MRC2: variants seen among roughly 807,000 people sequenced by gnomAD.
MRC2 encodes the protein mannose receptor C-type 2.
MRC2 carries 84 observed loss-of-function variants against 206.2 expected under a neutral mutation model. The ratio of observed to expected loss-of-function variants is 0.41; its 90% confidence interval spans 0.34 to 0.49. The LOEUF (loss-of-function observed/expected upper bound fraction) is 0.49. Ranked by LOEUF, MRC2 falls within the 20% of genes least tolerant of loss-of-function variation. The pLI is 0.31. For synonymous variants in MRC2, 798 were observed against 800.0 expected, an observed-to-expected ratio of 1.00 and a Z score of 0.04; for missense variants, 1,676 against 2,001.5, an observed-to-expected ratio of 0.84 and a Z score of 3.10.
At chr17:62,678,064 A>G (rs1273271505) in intron 12 of MRC2, among the ~76,000 whole-genome samples, 2 of 152,218 alleles carry the variant, frequency 1.3e-5, no homozygotes, top group Non-Finnish European at 2.9e-5. Flanking sequence ...ATAAATAAAT[A>G]AATAAATAAA....
At chr17:62,690,330 A>ACATGG (rs1206447276) in intron 26 of MRC2, 25 bp downstream of exon 26, 1 of 1,587,818 alleles carries the variant, frequency 6.3e-7, no homozygotes, top group Admixed American at 1.7e-5. Context: ...CAGAGCCCAC[A>ACATGG]CATGGCGGGC....
At chr17:62,681,160 A>G in intron 18 of MRC2, 31 bp downstream of exon 18, 1 of 1,609,242 alleles carries the variant, frequency 6.2e-7, no homozygotes, top group Non-Finnish European at 8.5e-7. Flanking sequence ...CAGATGTGGA[A>G]GGGGGCTGGC....
chr17:62,645,197 A>G (rs1400982793), intron 1 of MRC2, among the ~76,000 whole-genome samples: 1 of 152,078 alleles, frequency 6.6e-6, no homozygotes, highest in Admixed American at 6.6e-5. Flanking sequence ...CCCCATTATC[A>G]TTTACTAACG....
intron 1 of MRC2, among the ~76,000 whole-genome samples, chr17:62,646,421 G>T (rs1052543077): frequency 6.6e-6 from 1 of 152,202 alleles, no homozygotes; most frequent in African/African-American, 2.4e-5. Flanking sequence ...CAGCCCCAAA[G>T]TGCTGTGTTT....
At chr17:62,659,171 A>G (rs369884854) in intron 1 of MRC2, among the ~76,000 whole-genome samples, 1 of 152,082 alleles carries the variant, frequency 6.6e-6, no homozygotes, top group African/African-American at 2.4e-5. Flanking sequence ...CATCCTATCC[A>G]TGAAGGCTCT....
rs1401330996 is a variant in MRC2 at position 62,667,774 on chromosome 17, C to T, written c.1117+241C>T. On this transcript the variant is annotated intron_variant, in intron 6 of 29. Coordinates refer to ENST00000303375, the MANE Select transcript of MRC2 (RefSeq NM_006039.5). This position sits in a 1 kb window ranked among gnomAD's most constrained non-coding sequence, Gnocchi z 4.1. ...ATGCTGGCAATACCCACTGTTACCTCGTAGAGACCACAGTCTGCTGGAGGT... is the reference window on the plus strand; with the variant it reads ...ATGCTGGCAATACCCACTGTTACCTTGTAGAGACCACAGTCTGCTGGAGGT... Among the ~76,000 whole-genome samples, 2 of 152,224 alleles carry T rather than the reference C, an allele frequency of 1.3e-5. No individual in the cohort carries two copies. Among genetic ancestry groups the T allele is most frequent in the Admixed American group, 6.5e-5 (1 of 15,284 alleles).
At position 62,680,591 on chromosome 17, in the gene MRC2, C is replaced by G; in HGVS notation, c.2473+138C>G. 7.4e-7 allele frequency: 1 copy of G among 1,353,560 alleles called. No individual in the cohort carries two copies. Among genetic ancestry groups the G allele is most frequent in the South Asian group, 1.3e-5 (1 of 75,402 alleles). 83.8% of individuals were successfully genotyped at this position (1,353,560 alleles called of 1,614,324 possible). ...AGAAGGGGGACGGGGTTGGCTCGGA[C>G]GGAGGCAGCCACAGCCCTGTTTGCT... is the stretch of plus-strand genomic sequence containing the variant. On this transcript the variant is annotated intron_variant, in intron 16 of 29. Coordinates refer to ENST00000303375, the MANE Select transcript of MRC2 (RefSeq NM_006039.5). The surrounding 1 kb of genome is among the most constrained non-coding windows in gnomAD (Gnocchi z 4.8).
In MRC2 at chr17:62,667,399, A is replaced by G. The variant is rs777916295; in HGVS notation, c.983A>G (p.Asp328Gly). ...CCTGCCCTCCCCACAGACCAGCCGG[A>G]CAACCCCAGTGAGGAGAACTGTGGA... ...KYLNWESDQP[D>G]NPSEENCGVI... The change falls in exon 6 of 30, where the codon GAC (aspartate) becomes GGC (glycine). Residue 328 changes from aspartate (D) to glycine (G), a missense_variant. By Grantham distance (94) the Asp-to-Gly change is moderately conservative (BLOSUM62 -1). Around this residue, in one of 3 missense-constraint regions of MRC2, gnomAD observed 1,354 missense variants for 1,636.6 expected, o/e 0.83. Coordinates refer to ENST00000303375, the MANE Select transcript of MRC2 (RefSeq NM_006039.5). The surrounding 1 kb of genome is among the most constrained non-coding windows in gnomAD (Gnocchi z 4.1). 8 of 1,600,204 alleles carry G rather than the reference A, an allele frequency of 5.0e-6. No individual in the cohort carries two copies. The highest frequency in any genetic ancestry group is 6.8e-6 in the Non-Finnish European group (8 of 1,175,010).
intron 1 of MRC2, among the ~76,000 whole-genome samples, chr17:62,663,073 C>T (rs2088700412): frequency 6.6e-6 from 1 of 152,096 alleles, no homozygotes; most frequent in Admixed American, 6.5e-5. Context: ...AAGTGGCAGT[C>T]AGGGAACAAG....
chr17:62,632,370 T>C (rs2088252012), intron 1 of MRC2, among the ~76,000 whole-genome samples: 1 of 152,194 alleles, frequency 6.6e-6, no homozygotes, highest in African/African-American at 2.4e-5. Flanking sequence ...CTCTTGGCTC[T>C]GCACTCTCAC....
chr17:62,666,528 G>T lies in MRC2; in HGVS notation c.768G>T (p.Thr256=). ...DSCYQFNFQS[T]LSWREAWASC... is the part of the protein sequence containing the mutation. Reference sequence around the variant, plus strand: ...GCTACCAGTTTAACTTCCAGTCCACGCTGTCGTGGAGGGAGGCCTGGGCCA... The same window carrying T: ...GCTACCAGTTTAACTTCCAGTCCACTCTGTCGTGGAGGGAGGCCTGGGCCA... Residue 256 remains threonine, a synonymous_variant, in exon 4 of 30, where the codon ACG becomes ACT. Coordinates refer to ENST00000303375, the MANE Select transcript of MRC2 (RefSeq NM_006039.5). The surrounding 1 kb of genome is among the most constrained non-coding windows in gnomAD (Gnocchi z 5.0). The T allele has an allele frequency of 6.2e-7, 1 of 1,613,746 alleles. No individual in the cohort carries two copies. Among genetic ancestry groups the T allele is most frequent in the Non-Finnish European group, 8.5e-7 (1 of 1,179,924 alleles).
In MRC2 at chr17:62,627,822, C is replaced by A. The variant is rs892551595; in HGVS notation, c.20C>A (p.Ala7Asp). 15 of 1,450,742 alleles carry A rather than the reference C, an allele frequency of 1.0e-5. No individual in the cohort carries two copies. Among genetic ancestry groups the A allele is most frequent in the Middle Eastern group, 2.4e-4 (1 of 4,214 alleles). The allele number at this position is 1,450,742 out of a possible 1,614,324, so 89.9% of individuals were successfully genotyped here. The change falls in exon 1 of 30, where the codon GCC becomes GAC. Residue 7 changes from alanine to aspartate, a missense_variant. Physicochemically the swap from Ala to Asp is moderately radical, Grantham distance 126. Transcript: ENST00000303375. Reference sequence around the variant, plus strand: ...TCGGGGATGGGGCCCGGCCGGCCGGCCCCCGCGCCCTGGCCTCGTCACCTG... The same window carrying A: ...TCGGGGATGGGGCCCGGCCGGCCGGACCCCGCGCCCTGGCCTCGTCACCTG... MGPGRP[A>D]PAPWPRHLLR...
intron 6 of MRC2, among the ~76,000 whole-genome samples, chr17:62,670,992 G>A (rs1267212433): frequency 6.6e-6 from 1 of 152,212 alleles, no homozygotes; most frequent in Non-Finnish European, 1.5e-5. Flanking sequence ...GAATCTCATA[G>A]CAGGAAACCC....
At chr17:62,646,910 C>T (rs2088493540) in intron 1 of MRC2, among the ~76,000 whole-genome samples, 1 of 152,140 alleles carries the variant, frequency 6.6e-6, no homozygotes, top group African/African-American at 2.4e-5. Context: ...TCAGTCATAA[C>T]CACTGTTAAC....
chr17:62,644,756 C>T (rs2088454758), intron 1 of MRC2, among the ~76,000 whole-genome samples: 1 of 152,076 alleles, frequency 6.6e-6, no homozygotes. Context: ...CGCAGATCCT[C>T]ATTTGGGACT....
In MRC2 at chr17:62,690,294, G is replaced by T. The variant is rs756361138; in HGVS notation, c.3881G>T (p.Arg1294Leu). The T allele has an allele frequency of 9.9e-6, 16 of 1,610,900 alleles. No individual in the cohort carries two copies. The highest frequency in any genetic ancestry group is 1.4e-5 in the Non-Finnish European group (16 of 1,178,382). The change falls in exon 26 of 30, where the codon CGC (arginine) becomes CTC (leucine). Residue 1294 changes from arginine to leucine, a missense_variant. By Grantham distance (102) the Arg-to-Leu change is moderately radical. Transcript: ENST00000303375. ...CTGGGCCACAAGGAGGCGCGACAGC[G>T]CTGCCAGAGAGGTGGGTGACCAGGC... ...LLLGHKEARQ[R>L]CQRAGGAVLS...
intron 1 of MRC2, among the ~76,000 whole-genome samples, chr17:62,657,278 A>G (rs1321145276): frequency 6.6e-6 from 1 of 152,172 alleles, no homozygotes; most frequent in Non-Finnish European, 1.5e-5. Flanking sequence ...TCATGTCTAT[A>G]TTGTTCACAA....
rs1227926637 is a variant in MRC2 at position 62,667,850 on chromosome 17, AAATATGGATCAGTGTTAGAGGAG to A, written c.1117+318_1117+340del. On this transcript the variant is annotated intron_variant, in intron 6 of 29. Transcript: ENST00000303375. This position sits in a 1 kb window ranked among gnomAD's most constrained non-coding sequence, Gnocchi z 4.1. ...TATCCCAGGTCATGAGTGATTATAG[AAATATGGATCAGTGTTAGAGGAG>A]CATAGAGAAGAAACTGATTCAGCTT... Among the ~76,000 whole-genome samples the A allele has an allele frequency of 6.6e-6, 1 of 152,210 alleles. No homozygotes were observed. Among genetic ancestry groups the A allele is most frequent in the Non-Finnish European group, 1.5e-5 (1 of 68,040 alleles).
rs1410345433 is a variant in MRC2 at position 62,666,334 on chromosome 17, C to G, written c.694+67C>G. ...GGAGGGAGGCTGGTGCTGAGGGGCC[C>G]CGGGGCCCAGGGTGAGATACTGCCC... On this transcript the variant is annotated intron_variant, in intron 3 of 29. Coordinates refer to ENST00000303375, the MANE Select transcript of MRC2 (RefSeq NM_006039.5). This position sits in a 1 kb window ranked among gnomAD's most constrained non-coding sequence, Gnocchi z 5.0. The G allele has an allele frequency of 6.4e-7, 1 of 1,558,940 alleles. No homozygotes were observed. Among genetic ancestry groups the G allele is most frequent in the Non-Finnish European group, 8.6e-7 (1 of 1,156,350 alleles).
Sources: allele counts gnomAD v4.1 joint callset (sites outside exome capture counted in the v4.1 genomes callset), GRCh38; gene constraint gnomAD v4.1.1; regional missense constraint gnomAD v4.1.1; non-coding constraint Gnocchi (gnomAD v3.1); transcripts MANE v1.5; gene names NCBI Gene and HGNC (gene_info 2026-07-23, HGNC 2026-07-21).